The following EYS variants were observed in gnomAD, a reference collection of about 807,000 sequenced individuals.
EYS encodes protein eyes shut homolog.
A neutral mutation model predicts 282.1 loss-of-function variants in EYS; 250 were observed. The ratio of observed to expected loss-of-function variants is 0.89; its 90% confidence interval spans 0.80 to 0.98. EYS has a LOEUF of 0.98. Among genes scored for constraint, EYS ranks in the 50% least tolerant of loss-of-function variants. The pLI is 0.00. For synonymous variants in EYS, 1,355 were observed against 1,282.9 expected, an observed-to-expected ratio of 1.06 and a Z score of -1.20; for missense variants, 4,016 against 3,709.0, an observed-to-expected ratio of 1.08 and a Z score of -2.15.
intron 31 of EYS, among the ~76,000 whole-genome samples, chr6:64,095,947 C>T (rs536181086): frequency 4.8e-4 from 73 of 152,206 alleles, no homozygotes; most frequent in African/African-American, 1.7e-3. Context: ...TAGAGCAGGC[C>T]TGGTGGTGAC....
Position 64,343,819 on chromosome 6 carries a change from T to C in EYS, c.6079-36737A>G, listed in dbSNP as rs1561941429. 4.6e-5 allele frequency among the ~76,000 whole-genome samples: 7 copies of C among 151,840 alleles called. No homozygotes were observed. The South Asian group carries it at 1.0e-3, about 23-fold the overall frequency. ...ATTGATAGACTGCTAGCCAGACTAATAAAGAAGAAAAGAGAGAAGAATCAA... is the reference window on the plus strand; with the variant it reads ...ATTGATAGACTGCTAGCCAGACTAACAAAGAAGAAAAGAGAGAAGAATCAA... On this transcript the variant is annotated intron_variant, in intron 29 of 42. Transcript: ENST00000503581.
intron 14 of EYS, among the ~76,000 whole-genome samples, chr6:64,950,881 G>A (rs909707549): frequency 2.9e-5 from 4 of 137,622 alleles, no homozygotes; most frequent in Non-Finnish European, 6.1e-5. Context: ...ATCTTCTAAA[G>A]CTAAAGAGAT....
chr6:65,130,653 G>A (rs1456543529), intron 12 of EYS, among the ~76,000 whole-genome samples: 1 of 151,758 alleles, frequency 6.6e-6, no homozygotes, highest in Non-Finnish European at 1.5e-5. Context: ...CTATCAGAGG[G>A]TAGAGGGTAG....
In EYS at chr6:65,699,521, A is replaced by G. The variant is rs550652340; in HGVS notation, c.-448+7614T>C. 4.6e-5 allele frequency among the ~76,000 whole-genome samples: 7 copies of G among 152,310 alleles called. 1 individual carries two copies. Among genetic ancestry groups the G allele is most frequent in the African/African-American group, 1.4e-4 (6 of 41,562 alleles). Reference sequence around the variant, plus strand: ...AAGCCAACAGATGTAAGTAGTAGTCATGTACCCAATTTCACAGAAAAAGTC... The same window carrying G: ...AAGCCAACAGATGTAAGTAGTAGTCGTGTACCCAATTTCACAGAAAAAGTC... On this transcript the variant is annotated intron_variant, in intron 1 of 42. Transcript: ENST00000503581.
chr6:64,504,075 T>C (rs2150513864), intron 26 of EYS, among the ~76,000 whole-genome samples: 1 of 152,290 alleles, frequency 6.6e-6, no homozygotes, highest in East Asian at 1.9e-4. Context: ...CCTATTTTCT[T>C]CATAAATTAC....
intron 30 of EYS, among the ~76,000 whole-genome samples, chr6:64,296,572 ATATATATATATACATATATATATATATT>A (rs1769012264): frequency 5.0e-4 from 3 of 6,022 alleles, no homozygotes; most frequent in African/African-American, 3.0e-3. Context: ...ATATATATAT[ATATATATATATACATATATATATATATT>A]TTTTTTTTTT....
rs368156932 is a variant in EYS at position 64,367,559 on chromosome 6, T to C, written c.6078+21131A>G. 7.9e-5 allele frequency among the ~76,000 whole-genome samples: 12 copies of C among 151,298 alleles called. No individual in the cohort carries two copies. The East Asian group carries it at 1.6e-3, about 21-fold the overall frequency. On this transcript the variant is annotated intron_variant, in intron 29 of 42. Coordinates refer to ENST00000503581, the MANE Select transcript of EYS (RefSeq NM_001142800.2). The stretch of plus-strand genomic sequence containing the variant: ...GTCTAAGAGCCACTCCCAGGGCATA[T>C]AGCAAAGTTTCTAAAATAGGAAGTG...
intron 29 of EYS, among the ~76,000 whole-genome samples, chr6:64,368,645 T>C (rs1772254048): frequency 6.6e-6 from 1 of 152,160 alleles, no homozygotes. Flanking sequence ...TTGATTTGCA[T>C]TTCTCTAATG....
intron 31 of EYS, among the ~76,000 whole-genome samples, chr6:64,175,666 A>C (rs947131574): frequency 6.6e-6 from 1 of 152,174 alleles, no homozygotes; most frequent in Non-Finnish European, 1.5e-5. Context: ...GGGGAAGCCC[A>C]GGGAATAGTA....
At chr6:64,666,206 T>C (rs1325940932) in intron 22 of EYS, among the ~76,000 whole-genome samples, 3 of 152,334 alleles carry the variant, frequency 2.0e-5, no homozygotes, top group Non-Finnish European at 2.9e-5. Flanking sequence ...AATTTACCTA[T>C]GTAACAAACG....
intron 22 of EYS, among the ~76,000 whole-genome samples, chr6:64,769,197 C>T (rs1773449766): frequency 6.6e-6 from 1 of 152,004 alleles, no homozygotes. Flanking sequence ...TAAATCATTT[C>T]TTTTTAGGTT....
At chr6:64,486,878 G>A (rs990482156) in intron 26 of EYS, among the ~76,000 whole-genome samples, 57 of 151,392 alleles carry the variant, frequency 3.8e-4, no homozygotes, top group African/African-American at 1.3e-3. Context: ...CTCCTGCAAA[G>A]AGCCTACAGC....
At chr6:64,464,042 T>C (rs1450435264) in intron 26 of EYS, among the ~76,000 whole-genome samples, 1 of 152,190 alleles carries the variant, frequency 6.6e-6, no homozygotes, top group Non-Finnish European at 1.5e-5. Context: ...TCCTATATAC[T>C]TCTCAACAAA....
intron 31 of EYS, among the ~76,000 whole-genome samples, chr6:64,217,180 G>A (rs1465678931): frequency 6.6e-6 from 1 of 152,134 alleles, no homozygotes; most frequent in African/African-American, 2.4e-5. Flanking sequence ...ACTGTTTTGG[G>A]TATAGTTGAA....
At chr6:63,730,392 T>G (rs1222838298) in intron 41 of EYS, among the ~76,000 whole-genome samples, 1 of 152,220 alleles carries the variant, frequency 6.6e-6, no homozygotes, top group East Asian at 1.9e-4. Flanking sequence ...TCAGGGATTT[T>G]ACTTAGAATA....
chr6:65,692,957 C>G (rs554437590), intron 1 of EYS, among the ~76,000 whole-genome samples: 50 of 150,020 alleles, frequency 3.3e-4, no homozygotes, highest in Admixed American at 1.0e-3. Context: ...TTCATATGGT[C>G]TTGGCTCCTG....
intron 22 of EYS, among the ~76,000 whole-genome samples, chr6:64,686,480 G>A (rs1307178111): frequency 1.3e-5 from 2 of 151,370 alleles, no homozygotes; most frequent in Non-Finnish European, 2.9e-5. Flanking sequence ...GGTGGCTCAC[G>A]CGTGTTATCC....
At chr6:64,700,018 C>T (rs1770724445) in intron 22 of EYS, among the ~76,000 whole-genome samples, 1 of 151,898 alleles carries the variant, frequency 6.6e-6, no homozygotes, top group Non-Finnish European at 1.5e-5. Flanking sequence ...AACAGCACAT[C>T]AAAAAGATAA....
At chr6:64,156,014 GTA>G (rs1774904983) in intron 31 of EYS, among the ~76,000 whole-genome samples, 1 of 149,232 alleles carries the variant, frequency 6.7e-6, no homozygotes, top group Non-Finnish European at 1.5e-5. Flanking sequence ...GTGTATGTGT[GTA>G]TGTTTATGTG....
Sources: gnomAD v4.1 joint callset for allele counts (sites outside exome capture counted in the v4.1 genomes callset) on GRCh38, gnomAD v4.1.1 for gene constraint, MANE v1.5 for transcripts, NCBI Gene and HGNC (gene_info 2026-07-23, HGNC 2026-07-21) for gene names.